Variants in HDHD2 observed in about 807,000 individuals in gnomAD.
The protein encoded by HDHD2 is haloacid dehalogenase-like hydrolase domain-containing protein 2.
A neutral mutation model predicts 24.8 loss-of-function variants in HDHD2; 26 were observed. The ratio of observed to expected loss-of-function variants is 1.05; its 90% confidence interval spans 0.77 to 1.45. HDHD2 has a LOEUF of 1.45. Among genes scored for constraint, HDHD2 ranks in the 40% most tolerant of loss-of-function variants. The probability of loss-of-function intolerance (pLI) is 0.00; values close to 1 mark genes in which losing one functional copy is unlikely to be tolerated. For missense variants in HDHD2, 299 were observed against 313.4 expected (o/e 0.95, Z 0.35); for synonymous variants, 128 against 114.9 (o/e 1.11, Z -0.73).
chr18:47,119,303 C>T (rs537011966), intron 4 of HDHD2, among the ~76,000 whole-genome samples: 4 of 152,186 alleles, frequency 2.6e-5, no homozygotes, highest in African/African-American at 7.2e-5. Flanking sequence ...GTATTCACAA[C>T]AGAAACTCTT....
intron 4 of HDHD2, among the ~76,000 whole-genome samples, chr18:47,128,666 A>G (rs1023360588): frequency 6.6e-6 from 1 of 152,250 alleles, no homozygotes; most frequent in African/African-American, 2.4e-5. Context: ...CTTTTAAACA[A>G]GAGCTTGACT....
intron 1 of HDHD2, among the ~76,000 whole-genome samples, chr18:47,144,832 AG>A (rs1201284391): frequency 2.0e-5 from 3 of 151,570 alleles, no homozygotes; most frequent in Non-Finnish European, 4.4e-5. Flanking sequence ...AAAGAAAAAA[AG>A]AAAAAAAAAC....
chr18:47,110,048 C>T (rs1183330443), intron 6 of HDHD2: 2 of 985,348 alleles, frequency 2.0e-6, no homozygotes, highest in Non-Finnish European at 2.4e-6. Context: ...TCACCTTTCT[C>T]CTTGCTCTCT....
chr18:47,111,050 A>G, intron 6 of HDHD2: 1 of 985,434 alleles, frequency 1.0e-6, no homozygotes, highest in Non-Finnish European at 1.2e-6. Context: ...AAATTTACCA[A>G]TGAAGCTGGC....
At chr18:47,133,959 G>A (rs1214441980) in intron 3 of HDHD2, among the ~76,000 whole-genome samples, 2 of 152,138 alleles carry the variant, frequency 1.3e-5, no homozygotes, top group East Asian at 3.8e-4. Flanking sequence ...TTCTTTTGCT[G>A]TGCAGAAGCT....
chr18:47,124,332 T>C (rs1307814288), intron 4 of HDHD2, among the ~76,000 whole-genome samples: 2 of 152,172 alleles, frequency 1.3e-5, no homozygotes. Flanking sequence ...CTCATACTAT[T>C]AAGAGAGTGA....
chr18:47,121,065 G>A (rs138337470), intron 4 of HDHD2, among the ~76,000 whole-genome samples: 2 of 151,294 alleles, frequency 1.3e-5, no homozygotes, highest in African/African-American at 2.4e-5. Flanking sequence ...ATATGGTGCC[G>A]ATGACTTGCT....
At chr18:47,142,278 T>TTA (rs2063826566) in intron 1 of HDHD2, among the ~76,000 whole-genome samples, 1 of 148,854 alleles carries the variant, frequency 6.7e-6, no homozygotes, top group African/African-American at 2.5e-5. Context: ...TTTCATTTCA[T>TTA]AAAAAAAAAA....
chr18:47,130,411 A>C, intron 3 of HDHD2, 83 bp from the exon 4 acceptor site: 1 of 873,188 alleles, frequency 1.1e-6, no homozygotes, highest in East Asian at 2.5e-5. Flanking sequence ...TAGTCAATCA[A>C]GTGCAAACTT....
chr18:47,141,187 C>T (rs920366114), intron 1 of HDHD2, among the ~76,000 whole-genome samples: 1 of 152,194 alleles, frequency 6.6e-6, no homozygotes, highest in African/African-American at 2.4e-5. Context: ...TTGGATTTTA[C>T]CTACTACTTT....
intron 6 of HDHD2, among the ~76,000 whole-genome samples, chr18:47,112,470 T>C (rs2063523187): frequency 1.3e-5 from 2 of 152,250 alleles, no homozygotes; most frequent in East Asian, 1.9e-4. Flanking sequence ...GTAAACCTAA[T>C]TGTGCAGGAA....
intron 1 of HDHD2, among the ~76,000 whole-genome samples, chr18:47,148,000 T>A (rs1189393120): frequency 1.3e-5 from 2 of 151,298 alleles, no homozygotes; most frequent in Non-Finnish European, 3.0e-5. Flanking sequence ...CTTTTTTTTT[T>A]TTTTTGGAGA....
intron 6 of HDHD2, chr18:47,109,018 A>ACAGG (rs1175456408): frequency 1.2e-5 from 6 of 509,256 alleles, no homozygotes. Context: ...ATGGACAGCC[A>ACAGG]CAGGTACTGG....
chr18:47,132,872 C>A (rs1441672637), intron 3 of HDHD2, among the ~76,000 whole-genome samples: 1 of 152,146 alleles, frequency 6.6e-6, no homozygotes. Context: ...TTCACACTAT[C>A]CAGAATAACA....
intron 4 of HDHD2, among the ~76,000 whole-genome samples, chr18:47,122,451 A>T (rs1293139349): frequency 6.6e-6 from 1 of 152,132 alleles, no homozygotes; most frequent in Non-Finnish European, 1.5e-5. Flanking sequence ...CCTCTCCCTC[A>T]GTTATGACAA....
Position 47,115,212 on chromosome 18 carries a change from C to T in HDHD2, c.532G>A (p.Gly178Arg), listed in dbSNP as rs763300885. 1.2e-6 allele frequency: 2 copies of T among 1,614,030 alleles called. No individual in the cohort carries two copies. Among genetic ancestry groups the T allele is most frequent in the Admixed American group, 3.3e-5 (2 of 60,026 alleles). Residue 178 changes from glycine to arginine, a missense_variant, in exon 5 of 7, where the codon GGG becomes AGG. Gly to Arg is a moderately radical substitution (Grantham distance 125). Coordinates refer to ENST00000300605, the MANE Select transcript of HDHD2 (RefSeq NM_032124.5). ...YATDTKATVVGKPEKTFFLEA... is the reference protein window; with the variant it reads ...YATDTKATVVRKPEKTFFLEA... ...AAAAAGAACGTCTTCTCTGGTTTCC[C>T]CACGACTGTGGCTTTGGTATCTGTG...
rs1480005270 is a variant in HDHD2 at position 47,112,843 on chromosome 18, G to C, written c.676+134C>G. The C allele has an allele frequency of 4.3e-6, 3 of 704,028 alleles. No individual in the cohort carries two copies. In the African/African-American group the frequency reaches 5.3e-5, roughly 13 times the overall value. 43.6% of individuals were successfully genotyped at this position (704,028 alleles called of 1,614,324 possible). A position where few individuals can be genotyped will look rare whatever the true frequency, so the allele number is the denominator to read the frequency against. ...CAATTGTTTCCTATAATCCTAAGCT[G>C]TTTTATTTTTGCTTTGTGGCAGGAA... is the stretch of plus-strand genomic sequence containing the variant. On this transcript the variant is annotated intron_variant, in intron 6 of 6. Transcript: ENST00000300605.
At chr18:47,135,480 C>T (rs1347775790) in intron 2 of HDHD2, among the ~76,000 whole-genome samples, 1 of 152,010 alleles carries the variant, frequency 6.6e-6, no homozygotes, top group Non-Finnish European at 1.5e-5. Context: ...AGGCTGGTCT[C>T]GAACTCCCGA....
chr18:47,111,295 G>A, intron 6 of HDHD2: 1 of 984,916 alleles, frequency 1.0e-6, no homozygotes, highest in Non-Finnish European at 1.2e-6. Context: ...ACCAGCTGGG[G>A]GAGCTGGGCC....
Sources: allele counts gnomAD v4.1 joint callset (sites outside exome capture counted in the v4.1 genomes callset), GRCh38; gene constraint gnomAD v4.1.1; transcripts MANE v1.5; gene names NCBI Gene and HGNC (gene_info 2026-07-23, HGNC 2026-07-21).